The following SLC25A33 variants were observed in gnomAD, a reference collection of about 807,000 sequenced individuals.
SLC25A33 encodes bone marrow stromal cell mitochondrial carrier protein.
A neutral mutation model predicts 35.5 loss-of-function variants in SLC25A33; 15 were observed. The ratio of observed to expected loss-of-function variants is 0.42; its 90% confidence interval spans 0.28 to 0.65. The LOEUF is 0.65. Ranked by LOEUF, SLC25A33 falls within the 30% of genes least tolerant of loss-of-function variation. SLC25A33 has a pLI of 0.20. For synonymous variants in SLC25A33, 136 were observed against 148.7 expected, an observed-to-expected ratio of 0.91 and a Z score of 0.62; for missense variants, 257 against 398.5, an observed-to-expected ratio of 0.64 and a Z score of 3.02.
intron 1 of SLC25A33, among the ~76,000 whole-genome samples, chr1:9,552,864 G>A (rs1273528482): frequency 1.3e-5 from 2 of 150,232 alleles, no homozygotes; most frequent in African/African-American, 4.9e-5. Context: ...CCCAAAGGAT[G>A]TGCTAACGTG....
At chr1:9,544,985 C>T (rs1001779954) in intron 1 of SLC25A33, among the ~76,000 whole-genome samples, 2 of 151,856 alleles carry the variant, frequency 1.3e-5, no homozygotes, top group East Asian at 3.9e-4. Flanking sequence ...TTTTAAAATC[C>T]CAGTATATAT....
chr1:9,541,997 A>C lies in SLC25A33; in HGVS notation c.56+2250A>C, dbSNP rs374543163. ...TATATTTTTAGTAGAGACGGGGTTT[A>C]ACCGTGTTAGCCAGGATGGTCTCGA... On this transcript the variant is annotated intron_variant, in intron 1 of 6. Coordinates refer to ENST00000302692, the MANE Select transcript of SLC25A33 (RefSeq NM_032315.3). Among the ~76,000 whole-genome samples the C allele has an allele frequency of 2.0e-5, 3 of 151,424 alleles. No homozygotes were observed. In the East Asian group the frequency reaches 5.9e-4, roughly 30 times the overall value.
intron 5 of SLC25A33, among the ~76,000 whole-genome samples, chr1:9,575,212 CAAAAAAAA>C (rs909942057): frequency 2.0e-4 from 12 of 58,720 alleles, no homozygotes; most frequent in Admixed American, 5.5e-4. Context: ...GACTCTGGCT[CAAAAAAAA>C]AAAAAAAAAA....
intron 1 of SLC25A33, among the ~76,000 whole-genome samples, chr1:9,550,012 T>TATATATATATATATATATATATACATA (rs55887722): frequency 8.9e-4 from 30 of 33,822 alleles, no homozygotes; most frequent in African/African-American, 2.1e-3. Context: ...TATATATATA[T>TATATATATATATATATATATATACATA]TTTTTTTTTT....
intron 2 of SLC25A33, among the ~76,000 whole-genome samples, chr1:9,557,036 C>T (rs1384766633): frequency 6.6e-6 from 1 of 152,128 alleles, no homozygotes; most frequent in Non-Finnish European, 1.5e-5. Context: ...CAGGTTCAAG[C>T]GATTCTCCTT....
In SLC25A33 at chr1:9,584,297, T is replaced by G. The variant is rs1643780678; in HGVS notation, c.*1796T>G. The G allele has an allele frequency of 6.6e-6, 1 of 152,248 alleles. No homozygotes were observed. Among genetic ancestry groups the G allele is most frequent in the Non-Finnish European group, 1.5e-5 (1 of 68,048 alleles). 9.4% of individuals were successfully genotyped at this position (152,248 alleles called of 1,614,324 possible). A position where few individuals can be genotyped will look rare whatever the true frequency, so the allele number is the denominator to read the frequency against. ...TTTACTTTTAACTGGGGTTCTTGAC[T>G]CTAGTGTAATTGCTCCAACAACTAC... On this transcript the variant is annotated 3_prime_UTR_variant, in exon 7 of 7. Transcript: ENST00000302692.
intron 1 of SLC25A33, 103 bp from the exon 2 acceptor site, chr1:9,553,523 G>T: frequency 7.3e-7 from 1 of 1,366,880 alleles, no homozygotes; most frequent in Non-Finnish European, 1.0e-6. Context: ...GTGAGCCACC[G>T]CGCCCGGCAC....
chr1:9,560,188 G>A (rs1308123350), intron 2 of SLC25A33, among the ~76,000 whole-genome samples: 3 of 151,596 alleles, frequency 2.0e-5, no homozygotes, highest in South Asian at 4.2e-4. Context: ...GGAGGCGGAG[G>A]TTGCAGTGAG....
intron 5 of SLC25A33, 121 bp from the exon 6 acceptor site, chr1:9,579,833 A>G: frequency 8.6e-7 from 1 of 1,162,348 alleles, no homozygotes; most frequent in Non-Finnish European, 1.2e-6. Context: ...GAGAGTTAGG[A>G]GCCAGGAAAC....
At chr1:9,576,786 G>C (rs765861560) in intron 5 of SLC25A33, 3 of 1,176,298 alleles carry the variant, frequency 2.6e-6, no homozygotes, top group Non-Finnish European at 3.7e-6. Flanking sequence ...ACACCCGCAG[G>C]GTTCAGATGA....
chr1:9,539,664 G>A lies in SLC25A33; in HGVS notation c.-28G>A. On this transcript the variant is annotated 5_prime_UTR_variant, in exon 1 of 7. Transcript: ENST00000302692. ...CCGCCACGCGCTCTCGCCACCGGGCGGCGACGGGCCGCGGAGCCGGCGCGG... is the reference window on the plus strand; with the variant it reads ...CCGCCACGCGCTCTCGCCACCGGGCAGCGACGGGCCGCGGAGCCGGCGCGG... 7.4e-7 allele frequency: 1 copy of A among 1,348,388 alleles called. No individual in the cohort carries two copies. The highest frequency in any genetic ancestry group is 9.5e-7 in the Non-Finnish European group (1 of 1,053,366). The allele number at this position is 1,348,388 out of a possible 1,614,324, so 83.5% of individuals were successfully genotyped here.
intron 1 of SLC25A33, among the ~76,000 whole-genome samples, chr1:9,547,119 C>T (rs1643185056): frequency 6.6e-6 from 1 of 152,164 alleles, no homozygotes; most frequent in African/African-American, 2.4e-5. Context: ...CAGGCCAAAA[C>T]TAGACATGAG....
intron 5 of SLC25A33, among the ~76,000 whole-genome samples, chr1:9,575,972 A>G (rs1182999787): frequency 1.3e-5 from 2 of 152,040 alleles, no homozygotes; most frequent in Non-Finnish European, 2.9e-5. Context: ...TCATGCTGTC[A>G]CCTGTTGTGG....
At chr1:9,548,662 T>A (rs1028993482) in intron 1 of SLC25A33, among the ~76,000 whole-genome samples, 1 of 152,214 alleles carries the variant, frequency 6.6e-6, no homozygotes, top group Non-Finnish European at 1.5e-5. Flanking sequence ...TGTATGCCAG[T>A]AGGTCATGGT....
At chr1:9,552,659 C>A (rs1158066329) in intron 1 of SLC25A33, among the ~76,000 whole-genome samples, 1 of 152,066 alleles carries the variant, frequency 6.6e-6, no homozygotes, top group Non-Finnish European at 1.5e-5. Context: ...GTATTCATTG[C>A]AGCATGGTAG....
chr1:9,547,643 A>G (rs1490920322), intron 1 of SLC25A33, among the ~76,000 whole-genome samples: 4 of 151,916 alleles, frequency 2.6e-5, no homozygotes, highest in Non-Finnish European at 5.9e-5. Flanking sequence ...TGTCTTGTGC[A>G]TTGTAGGATA....
At chr1:9,545,011 G>T (rs1360291799) in intron 1 of SLC25A33, among the ~76,000 whole-genome samples, 2 of 152,178 alleles carry the variant, frequency 1.3e-5, no homozygotes, top group African/African-American at 4.8e-5. Context: ...TAGTAACGTT[G>T]TAGTTTTACT....
intron 5 of SLC25A33, chr1:9,576,567 A>G: frequency 1.8e-6 from 1 of 557,012 alleles, no homozygotes; most frequent in South Asian, 1.4e-5. Flanking sequence ...AACTCAGTCT[A>G]AAGAGGCTCT....
chr1:9,582,156 C>T lies in SLC25A33; in HGVS notation c.764-143C>T. On this transcript the variant is annotated intron_variant, in intron 6 of 6. Coordinates refer to ENST00000302692, the MANE Select transcript of SLC25A33 (RefSeq NM_032315.3). This position sits in a 1 kb window ranked among gnomAD's most constrained non-coding sequence, Gnocchi z 4.0. ...CTCCAACTCCTGGCCTCAAGTGATCCACCCGCCTCGGCCTCCCAAAGTTCT... is the reference window on the plus strand; with the variant it reads ...CTCCAACTCCTGGCCTCAAGTGATCTACCCGCCTCGGCCTCCCAAAGTTCT... The T allele has an allele frequency of 1.3e-6, 1 of 785,128 alleles. No individual in the cohort carries two copies. The highest frequency in any genetic ancestry group is 2.5e-5 in the Admixed American group (1 of 40,018). The allele number at this position is 785,128 out of a possible 1,614,324, so 48.6% of individuals were successfully genotyped here. A position where few individuals can be genotyped will look rare whatever the true frequency, so the allele number is the denominator to read the frequency against.
Sources: gnomAD v4.1 joint callset for allele counts (sites outside exome capture counted in the v4.1 genomes callset) on GRCh38, gnomAD v4.1.1 for gene constraint, Gnocchi (gnomAD v3.1) non-coding constraint, MANE v1.5 for transcripts, NCBI Gene and HGNC (gene_info 2026-07-23, HGNC 2026-07-21) for gene names.